Variants in WWC1 observed in about 807,000 individuals in gnomAD.
The protein encoded by WWC1 is WW and C2 domain containing 1, also known as protein KIBRA.
In WWC1, 55 loss-of-function variants were observed where a neutral mutation model predicts 138.4. That is an observed-to-expected ratio of 0.40 (90% confidence interval 0.32 to 0.50). The LOEUF (loss-of-function observed/expected upper bound fraction) is 0.50. Ranked by LOEUF, WWC1 falls within the 20% of genes least tolerant of loss-of-function variation. The pLI is 0.72. For synonymous variants in WWC1, 524 were observed against 564.9 expected, an observed-to-expected ratio of 0.93 and a Z score of 1.03; for missense variants, 1,226 against 1,420.4, an observed-to-expected ratio of 0.86 and a Z score of 2.20.
At chr5:168,338,422 T>TG (rs1448813405) in intron 1 of WWC1, among the ~76,000 whole-genome samples, 16 of 138,752 alleles carry the variant, frequency 1.2e-4, no homozygotes, top group African/African-American at 4.0e-4. Flanking sequence ...TTCTTTTTTT[T>TG]TGGGGGGGGA....
chr5:168,460,869 CT>C, intron 20 of WWC1, 127 bp downstream of exon 20: 1 of 955,642 alleles, frequency 1.0e-6, no homozygotes, highest in East Asian at 2.6e-5. Context: ...AAAAATGTTG[CT>C]CTCTCAAGCA....
At chr5:168,346,647 T>G (rs1774500440) in intron 1 of WWC1, among the ~76,000 whole-genome samples, 1 of 152,212 alleles carries the variant, frequency 6.6e-6, no homozygotes, top group Non-Finnish European at 1.5e-5. Flanking sequence ...GGTGAGCCAT[T>G]GTTGAGAAAC....
At position 168,367,124 on chromosome 5, in the gene WWC1, A is replaced by G. The variant is rs17632921; in HGVS notation, c.120-4300A>G. On this transcript the variant is annotated intron_variant, in intron 1 of 22. Coordinates refer to ENST00000265293, the MANE Select transcript of WWC1 (RefSeq NM_015238.3). The stretch of plus-strand genomic sequence containing the variant: ...CTTTGAAACACTTAATTGCCTCTTT[A>G]TTAAGCAGCCATGGATTTCCCAGGT... Among the ~76,000 whole-genome samples, 1,215 of 152,026 alleles carry G rather than the reference A, an allele frequency of 8.0e-3. 13 individuals carry two copies. Among genetic ancestry groups the G allele is most frequent in the East Asian group, 0.03 (156 of 5,144 alleles).
At chr5:168,441,898 C>G (rs751408993) in intron 16 of WWC1, 64 bp downstream of exon 16, 2 of 1,562,242 alleles carry the variant, frequency 1.3e-6, no homozygotes, top group African/African-American at 1.4e-5. Context: ...AAGGGAAAGC[C>G]TCTCCCAGAA....
chr5:168,328,117 G>A (rs777326891), intron 1 of WWC1, among the ~76,000 whole-genome samples: 3 of 152,328 alleles, frequency 2.0e-5, no homozygotes, highest in African/African-American at 2.4e-5. Context: ...CAAGTTCAGC[G>A]CTGCTTCTAA....
chr5:168,338,128 T>C (rs1165476735), intron 1 of WWC1, among the ~76,000 whole-genome samples: 1 of 151,908 alleles, frequency 6.6e-6, no homozygotes, highest in East Asian at 2.0e-4. Context: ...CTGGCCAACG[T>C]GGCAAAACCC....
chr5:168,446,293 A>G (rs1286723815), intron 17 of WWC1, among the ~76,000 whole-genome samples: 16 of 150,502 alleles, frequency 1.1e-4, no homozygotes. Flanking sequence ...TGTTGAAGAC[A>G]TGCTATTGCC....
intron 17 of WWC1, among the ~76,000 whole-genome samples, chr5:168,446,935 C>G (rs1755329776): frequency 6.6e-6 from 1 of 152,188 alleles, no homozygotes; most frequent in Admixed American, 6.5e-5. Flanking sequence ...GTCTTAAGTG[C>G]ATGTGCTTTA....
intron 1 of WWC1, among the ~76,000 whole-genome samples, chr5:168,343,166 A>T (rs1030180): frequency 0.59 from 88,105 of 149,648 alleles, 28,184 homozygotes; most frequent in East Asian, 0.81. Flanking sequence ...CATGGTTTTA[A>T]AGGTCATAAA....
intron 15 of WWC1, among the ~76,000 whole-genome samples, chr5:168,435,265 G>T (rs1164487221): frequency 6.6e-6 from 1 of 152,064 alleles, no homozygotes; most frequent in Non-Finnish European, 1.5e-5. Context: ...CTGCACTCCT[G>T]TCTGAGGCCA....
intron 15 of WWC1, among the ~76,000 whole-genome samples, chr5:168,438,938 G>C (rs142343179): frequency 1.3e-4 from 20 of 151,984 alleles, no homozygotes; most frequent in Non-Finnish European, 2.6e-4. Flanking sequence ...GTATGGAAAG[G>C]TTTACTGAAG....
At position 168,356,040 on chromosome 5, in the gene WWC1, C is replaced by T. The variant is rs1440121065; in HGVS notation, c.120-15384C>T. 2.0e-5 allele frequency among the ~76,000 whole-genome samples: 3 copies of T among 152,152 alleles called. No individual in the cohort carries two copies. In the East Asian group the frequency reaches 5.8e-4, roughly 29 times the overall value. Reference sequence around the variant, plus strand: ...TTCTGGAAAGCCCCAGGTGAAGGTTCAGTCCATGGCCTGTGAACACACAGA... The same window carrying T: ...TTCTGGAAAGCCCCAGGTGAAGGTTTAGTCCATGGCCTGTGAACACACAGA... On this transcript the variant is annotated intron_variant, in intron 1 of 22. Coordinates refer to ENST00000265293, the MANE Select transcript of WWC1 (RefSeq NM_015238.3).
intron 1 of WWC1, among the ~76,000 whole-genome samples, chr5:168,355,606 G>C (rs569233771): frequency 6.6e-6 from 1 of 152,058 alleles, no homozygotes; most frequent in Non-Finnish European, 1.5e-5. Context: ...CGAGACCTGC[G>C]GGAGCAAAAG....
intron 1 of WWC1, among the ~76,000 whole-genome samples, chr5:168,341,521 C>G (rs950202610): frequency 6.6e-6 from 1 of 152,036 alleles, no homozygotes; most frequent in Non-Finnish European, 1.5e-5. Flanking sequence ...TCACTGATGT[C>G]CCAGTCTGAG....
At chr5:168,339,830 CTTT>C (rs59597331) in intron 1 of WWC1, among the ~76,000 whole-genome samples, 1 of 135,178 alleles carries the variant, frequency 7.4e-6, no homozygotes, top group African/African-American at 3.5e-5. Flanking sequence ...TTCTTTCTTT[CTTT>C]TTCTTTTCTT....
intron 14 of WWC1, 63 bp downstream of exon 14, chr5:168,430,286 CA>C (rs1041651115): frequency 1.7e-5 from 24 of 1,378,022 alleles, no homozygotes; most frequent in Non-Finnish European, 2.2e-5. Flanking sequence ...CCCTGGGGGT[CA>C]CTTTTCTGCC....
At chr5:168,311,474 A>G (rs1311956467) in intron 1 of WWC1, among the ~76,000 whole-genome samples, 2 of 152,082 alleles carry the variant, frequency 1.3e-5, no homozygotes, top group Admixed American at 6.5e-5. Context: ...TGCCTCCTAA[A>G]ACCCTCATTT....
At chr5:168,380,852 G>C (rs1245407652) in intron 2 of WWC1, among the ~76,000 whole-genome samples, 1 of 152,152 alleles carries the variant, frequency 6.6e-6, no homozygotes, top group African/African-American at 2.4e-5. Context: ...ATAGGAATGA[G>C]TCTCAAAAAC....
intron 10 of WWC1, 44 bp from the exon 11 acceptor site, chr5:168,423,489 T>A: frequency 1.3e-6 from 2 of 1,566,120 alleles, no homozygotes; most frequent in Non-Finnish European, 1.7e-6. Flanking sequence ...GGGGGCCCAC[T>A]TCACTGTGTG....
Sources: allele counts gnomAD v4.1 joint callset (sites outside exome capture counted in the v4.1 genomes callset), GRCh38; gene constraint gnomAD v4.1.1; transcripts MANE v1.5; gene names NCBI Gene and HGNC (gene_info 2026-07-23, HGNC 2026-07-21).